Variants in CERT1 observed in about 807,000 individuals in gnomAD.
CERT1 encodes ceramide transfer protein.
A neutral mutation model predicts 87.9 loss-of-function variants in CERT1; 31 were observed. That is an observed-to-expected ratio of 0.35 (90% confidence interval 0.27 to 0.48). CERT1 has a LOEUF of 0.48. Ranked by LOEUF, CERT1 falls within the 20% of genes least tolerant of loss-of-function variation. The pLI is 0.99. For synonymous variants in CERT1, 289 were observed against 250.9 expected (o/e 1.15, Z -1.44); for missense variants, 487 against 758.0 (o/e 0.64, Z 4.20).
At chr5:75,503,916 A>AATTAAATATTT (rs1374804245) in intron 2 of CERT1, among the ~76,000 whole-genome samples, 1 of 151,672 alleles carries the variant, frequency 6.6e-6, no homozygotes, top group African/African-American at 2.4e-5. Flanking sequence ...GTTTAATTTA[A>AATTAAATATTT]AATTTTCTTT....
At chr5:75,412,966 T>G (rs1440872656) in intron 7 of CERT1, among the ~76,000 whole-genome samples, 1 of 152,206 alleles carries the variant, frequency 6.6e-6, no homozygotes, top group Non-Finnish European at 1.5e-5. Context: ...AACTTTTTAA[T>G]TTTTTAAACT....
At chr5:75,474,057 C>T (rs1765842743) in intron 2 of CERT1, among the ~76,000 whole-genome samples, 2 of 152,180 alleles carry the variant, frequency 1.3e-5, no homozygotes, top group African/African-American at 4.8e-5. Context: ...GGACATGGGC[C>T]TGCCTGGCCT....
intron 9 of CERT1, chr5:75,402,048 A>T (rs1282772176): frequency 1.3e-5 from 2 of 152,240 alleles, no homozygotes; most frequent in Non-Finnish European, 2.9e-5. Flanking sequence ...TGCCAAATTA[A>T]AGAAGACAAA....
chr5:75,468,652 A>G (rs1288501092), intron 2 of CERT1, among the ~76,000 whole-genome samples: 2 of 152,022 alleles, frequency 1.3e-5, no homozygotes, highest in Non-Finnish European at 2.9e-5. Flanking sequence ...TTTCAGATGC[A>G]CCCCAGAGCT....
At chr5:75,420,990 G>A (rs1763354263) in intron 5 of CERT1, among the ~76,000 whole-genome samples, 1 of 152,066 alleles carries the variant, frequency 6.6e-6, no homozygotes, top group Admixed American at 6.6e-5. Flanking sequence ...GCTAATTTTT[G>A]TAGAGATGAG....
intron 2 of CERT1, among the ~76,000 whole-genome samples, chr5:75,461,162 C>T (rs936544247): frequency 2.0e-5 from 3 of 152,078 alleles, no homozygotes; most frequent in Non-Finnish European, 4.4e-5. Context: ...GGTCACAAAC[C>T]CGTGCCAGTC....
intron 3 of CERT1, 41 bp downstream of exon 3, chr5:75,459,024 T>C (rs1765118469): frequency 8.8e-7 from 1 of 1,141,216 alleles, no homozygotes; most frequent in African/African-American, 1.5e-5. Flanking sequence ...AACAATCTCT[T>C]ACCTAGTCCT....
downstream of CERT1, chr5:75,375,581 CAAAA>C (rs1471886201): frequency 1.8e-5 from 2 of 111,430 alleles, no homozygotes; most frequent in Non-Finnish European, 3.5e-5. Flanking sequence ...GATGCTGTCT[CAAAA>C]TAAATAAATA....
chr5:75,479,749 C>T (rs1226448678), intron 2 of CERT1, among the ~76,000 whole-genome samples: 1 of 152,036 alleles, frequency 6.6e-6, no homozygotes, highest in East Asian at 1.9e-4. Flanking sequence ...CTGCAATGAA[C>T]ATTCGAGTGC....
At chr5:75,427,835 A>G (rs1189869342) in intron 3 of CERT1, among the ~76,000 whole-genome samples, 1 of 152,196 alleles carries the variant, frequency 6.6e-6, no homozygotes, top group Non-Finnish European at 1.5e-5. Context: ...AGAGATCAAC[A>G]GTGAAAACAA....
chr5:75,475,336 A>G (rs1176014259), intron 2 of CERT1, among the ~76,000 whole-genome samples: 1 of 152,218 alleles, frequency 6.6e-6, no homozygotes, highest in Admixed American at 6.5e-5. Context: ...AAGAGAGTGA[A>G]AAGACTTTTA....
At chr5:75,373,132 G>A (rs1026452729), downstream of CERT1, 16 of 152,298 alleles carry the variant, frequency 1.1e-4, no homozygotes, top group African/African-American at 3.8e-4. Context: ...CTGATCAAAA[G>A]GCAAAGAGAG....
At chr5:75,375,506 G>A (rs1286430075), downstream of CERT1, 1 of 151,378 alleles carries the variant, frequency 6.6e-6, no homozygotes, top group Non-Finnish European at 1.5e-5. Flanking sequence ...ACCTGAGCTT[G>A]AGAAGTTGAG....
rs1426502386 is a variant in CERT1, at chr5:75,423,862, T to TTA, written c.595+1497_595+1498dup. On this transcript the variant is annotated intron_variant, in intron 5 of 16. Coordinates refer to ENST00000643780, the MANE Select transcript of CERT1 (RefSeq NM_001379029.1). ...AGCTAACAAAGGAGATAAAGTGGAA[T>TTA]TATATATATATGAAAAAAATTTCAT... Among the ~76,000 whole-genome samples, 19 of 152,084 alleles carry TTA rather than the reference T, an allele frequency of 1.2e-4. No individual in the cohort carries two copies. The East Asian group carries it at 1.4e-3, about 11-fold the overall frequency.
At chr5:75,382,914 T>C (rs954988869) in intron 14 of CERT1, among the ~76,000 whole-genome samples, 1 of 152,078 alleles carries the variant, frequency 6.6e-6, no homozygotes, top group Admixed American at 6.6e-5. Flanking sequence ...TTAGACCTAA[T>C]GAATACAAAT....
intron 2 of CERT1, among the ~76,000 whole-genome samples, chr5:75,467,604 G>T (rs1380716101): frequency 2.1e-5 from 3 of 143,198 alleles, no homozygotes; most frequent in Non-Finnish European, 3.0e-5. Flanking sequence ...TTGTGCCATA[G>T]CACTCCAGCC....
chr5:75,402,799 C>CAAA (rs77625109), intron 9 of CERT1, 173 bp downstream of exon 9: 56 of 333,774 alleles, frequency 1.7e-4, no homozygotes, highest in Non-Finnish European at 2.1e-4. Context: ...GACTCTGTCT[C>CAAA]AAAAAAAAAA....
At chr5:75,419,465 T>C in intron 5 of CERT1, 41 bp from the exon 6 acceptor site, 3 of 1,305,082 alleles carry the variant, frequency 2.3e-6, no homozygotes, top group Admixed American at 1.8e-5. Flanking sequence ...TGAAAAGAAA[T>C]AGAAATTAAT....
rs188194162 is a variant in CERT1 at position 75,388,919 on chromosome 5, C to T, written c.1284+673G>A. Reference sequence around the variant, plus strand: ...GGGATTACAGGCATAGCCACTGTGCCTGGCCAATAGTATCTTTTAAATGTC... The same window carrying T: ...GGGATTACAGGCATAGCCACTGTGCTTGGCCAATAGTATCTTTTAAATGTC... On this transcript the variant is annotated intron_variant, in intron 12 of 16. Transcript: ENST00000643780. 2.0e-5 allele frequency among the ~76,000 whole-genome samples: 3 copies of T among 152,128 alleles called. No individual in the cohort carries two copies. In the East Asian group the frequency reaches 5.8e-4, roughly 29 times the overall value.
Sources: allele counts gnomAD v4.1 joint callset (sites outside exome capture counted in the v4.1 genomes callset), GRCh38; gene constraint gnomAD v4.1.1; transcripts MANE v1.5; gene names NCBI Gene and HGNC (gene_info 2026-07-23, HGNC 2026-07-21).